Variants in CST7 observed in about 807,000 individuals in gnomAD.
The protein encoded by CST7 is cystatin-F.
In CST7, 15 loss-of-function variants were observed where a neutral mutation model predicts 13.1. The observed-to-expected ratio is 1.14, with a 90% CI of 0.77 to 1.76. The LOEUF is 1.76. Among genes scored for constraint, CST7 ranks in the 40% most tolerant of loss-of-function variants. CST7 has a pLI of 0.00. For missense variants in CST7, 193 were observed against 178.8 expected (o/e 1.08, Z -0.45); for synonymous variants, 75 against 66.9 (o/e 1.12, Z -0.59).
Position 24,957,411 on chromosome 20 carries a change from C to A in CST7, c.195C>A (p.Asn65Lys). The A allele has an allele frequency of 6.2e-7, 1 of 1,613,736 alleles. No homozygotes were observed. Among genetic ancestry groups the A allele is most frequent in the East Asian group, 2.2e-5 (1 of 44,874 alleles). The change falls in exon 2 of 4, where the codon AAC becomes AAA. Residue 65 changes from asparagine (N) to lysine (K), a missense_variant. Coordinates refer to ENST00000480798, the MANE Select transcript of CST7 (RefSeq NM_003650.4). ...YSVEKFNNCT[N>K]DMFLFKESRI... is the part of the protein sequence containing the mutation. ...TTGAAAAGTTCAACAACTGCACGAA[C>A]GACATGTTCTTGTTCAAGGAGTCCC...
At chr20:24,957,859 G>T (rs527337583) in intron 2 of CST7, among the ~76,000 whole-genome samples, 1 of 152,174 alleles carries the variant, frequency 6.6e-6, no homozygotes, top group Non-Finnish European at 1.5e-5. Flanking sequence ...GTGCCCTGCA[G>T]CCCAGAGGTG....
chr20:24,956,507 C>T (rs534390068), intron 1 of CST7, among the ~76,000 whole-genome samples: 3 of 152,320 alleles, frequency 2.0e-5, no homozygotes, highest in South Asian at 4.1e-4. Context: ...GCTTCCCCAT[C>T]TTTTATCCAA....
At chr20:24,953,921 C>A (rs909933235) in intron 1 of CST7, among the ~76,000 whole-genome samples, 1 of 152,210 alleles carries the variant, frequency 6.6e-6, no homozygotes, top group South Asian at 2.1e-4. Context: ...CTGCACCCAG[C>A]AGCAGCCTCC....
intron 1 of CST7, among the ~76,000 whole-genome samples, chr20:24,955,064 A>C (rs933826089): frequency 1.1e-4 from 17 of 151,780 alleles, no homozygotes; most frequent in South Asian, 6.2e-4. Flanking sequence ...ACAAAAAAAA[A>C]CGCTAATCTG....
chr20:24,953,539 A>G (rs1055448002), intron 1 of CST7, among the ~76,000 whole-genome samples: 1 of 152,048 alleles, frequency 6.6e-6, no homozygotes, highest in South Asian at 2.1e-4. Context: ...ACCTTAGGGG[A>G]CAGTTTCATT....
Position 24,959,685 on chromosome 20 carries a change from C to T in CST7, c.411C>T (p.Phe137=), listed in dbSNP as rs368920318. 4 of 1,614,094 alleles carry T rather than the reference C, an allele frequency of 2.5e-6. No homozygotes were observed. Among genetic ancestry groups the T allele is most frequent in the African/African-American group, 1.3e-5 (1 of 75,028 alleles). Residue 137 remains phenylalanine (F), a synonymous_variant, in exon 4 of 4, where the codon TTC becomes TTT. Transcript: ENST00000480798. ...GGGTCGTGCCCTGGCTCCAGCACTT[C>T]GAGGTGCCTGTTCTCCGTTGTCACT... The part of the protein sequence containing the change: ...EVWVVPWLQH[F]EVPVLRCH
At chr20:24,959,602 C>CTGG in intron 3 of CST7, 33 bp from the exon 4 acceptor site, 2 of 1,609,590 alleles carry the variant, frequency 1.2e-6, no homozygotes, top group Non-Finnish European at 8.5e-7. Context: ...CAGGGAAAGT[C>CTGG]TAAGCTCTCA....
chr20:24,952,368 G>T (rs1194188912), intron 1 of CST7, among the ~76,000 whole-genome samples: 2 of 152,172 alleles, frequency 1.3e-5, no homozygotes, highest in Admixed American at 6.5e-5. Context: ...TTAAGGTCGG[G>T]ACTGATCTGG....
chr20:24,958,960 G>A lies in CST7; in HGVS notation c.276G>A (p.Val92=), dbSNP rs544673784. 10 of 1,614,044 alleles carry A rather than the reference G, an allele frequency of 6.2e-6. No homozygotes were observed. In the African/African-American group the frequency reaches 6.7e-5, roughly 11 times the overall value. Residue 92 remains valine (V), a synonymous_variant, in exon 3 of 4, where the codon GTG becomes GTA. Coordinates refer to ENST00000480798, the MANE Select transcript of CST7 (RefSeq NM_003650.4). ...AAGGCCTGAAATATATGCTGGAGGT[G>A]GAAATTGGCAGAACTACCTGCAAGA... The part of the protein sequence containing the change: ...IVKGLKYMLE[V]EIGRTTCKKN...
rs771941085 is a variant in CST7, at chr20:24,949,438, C to G, written c.-68C>G. 2.5e-6 allele frequency: 4 copies of G among 1,612,912 alleles called. No homozygotes were observed. Among genetic ancestry groups the G allele is most frequent in the African/African-American group, 2.7e-5 (2 of 74,918 alleles). On this transcript the variant is annotated 5_prime_UTR_variant, in exon 1 of 4. Transcript: ENST00000480798. ...GCACCAACCACTGCCTCCAACTGCC[C>G]CATGCTGCCTGAGAAGGCACTGCAC...
In CST7 at chr20:24,959,649, C is replaced by T; in HGVS notation, c.375C>T (p.Tyr125=). 1.2e-6 allele frequency: 2 copies of T among 1,614,162 alleles called. No individual in the cohort carries two copies. The highest frequency in any genetic ancestry group is 1.1e-5 in the South Asian group (1 of 91,088). Residue 125 remains tyrosine, a synonymous_variant, in exon 4 of 4, where the codon TAC becomes TAT. Transcript: ENST00000480798. ...NHTLKQTLSC[Y]SEVWVVPWLQ... Reference sequence around the variant, plus strand: ...CTCTGTTTCAGACTCTGAGCTGCTACTCTGAAGTCTGGGTCGTGCCCTGGC... The same window carrying T: ...CTCTGTTTCAGACTCTGAGCTGCTATTCTGAAGTCTGGGTCGTGCCCTGGC...
chr20:24,959,243 A>T (rs574244071), intron 3 of CST7, among the ~76,000 whole-genome samples, 199 bp downstream of exon 3: 16 of 152,318 alleles, frequency 1.1e-4, no homozygotes, highest in African/African-American at 3.8e-4. Context: ...AGCTCCTCAG[A>T]TGACATCCTC....
intron 1 of CST7, among the ~76,000 whole-genome samples, chr20:24,951,680 C>T (rs948858124): frequency 4.6e-5 from 7 of 152,176 alleles, no homozygotes; most frequent in Non-Finnish European, 8.8e-5. Context: ...AAGGGTGGTG[C>T]CGTCTGAGCA....
Position 24,953,947 on chromosome 20 carries a change from A to T in CST7, c.71-3340A>T, listed in dbSNP as rs4815348. Among the ~76,000 whole-genome samples the T allele has an allele frequency of 6.7e-3, 1,018 of 151,708 alleles. 36 individuals are homozygous for T. The highest frequency in any genetic ancestry group is 0.058 in the Admixed American group (891 of 15,246). ...AGCAGCCTCCAGCGGGGTCTCCCCA[A>T]CTCTTCCCAGCACGTAGCTCCCTCC... On this transcript the variant is annotated intron_variant, in intron 1 of 3. Transcript: ENST00000480798.
At position 24,957,417 on chromosome 20, in the gene CST7, G is replaced by GT. The variant is rs746488888; in HGVS notation, c.203dup (p.Phe70ValfsTer40). 3 of 1,613,788 alleles carry GT rather than the reference G, an allele frequency of 1.9e-6. No individual in the cohort carries two copies. Among genetic ancestry groups the GT allele is most frequent in the East Asian group, 4.5e-5 (2 of 44,878 alleles). ...AGTTCAACAACTGCACGAACGACAT[G>GT]TTCTTGTTCAAGGAGTCCCGCATCA... On this transcript the variant is annotated frameshift_variant, in exon 2 of 4. Coordinates refer to ENST00000480798, the MANE Select transcript of CST7 (RefSeq NM_003650.4). LOFTEE classifies it high-confidence loss of function.
At chr20:24,958,705 A>G (rs1406668990) in intron 2 of CST7, among the ~76,000 whole-genome samples, 1 of 152,066 alleles carries the variant, frequency 6.6e-6, no homozygotes, top group African/African-American at 2.4e-5. Flanking sequence ...CAGAAAGGAG[A>G]CATCTGTCTC....
intron 1 of CST7, among the ~76,000 whole-genome samples, chr20:24,956,864 G>T (rs935793422): frequency 6.6e-6 from 1 of 151,576 alleles, no homozygotes; most frequent in African/African-American, 2.4e-5. Context: ...GACATGTTCC[G>T]CTTTTAACAC....
At chr20:24,956,488 C>T (rs531600121) in intron 1 of CST7, among the ~76,000 whole-genome samples, 2 of 152,288 alleles carry the variant, frequency 1.3e-5, no homozygotes, top group Admixed American at 1.3e-4. Flanking sequence ...GGGGGAGGCC[C>T]CCGATGCTGC....
chr20:24,953,207 A>AGCATTCTCTATGGGGTGGGG (rs2087831465), intron 1 of CST7, among the ~76,000 whole-genome samples: 1 of 152,036 alleles, frequency 6.6e-6, no homozygotes, highest in African/African-American at 2.4e-5. Flanking sequence ...ATGCTCAGAA[A>AGCATTCTCTATGGGGTGGGG]CACGGGGCTG....
Sources: allele counts gnomAD v4.1 joint callset (sites outside exome capture counted in the v4.1 genomes callset), GRCh38; gene constraint gnomAD v4.1.1; transcripts MANE v1.5; gene names NCBI Gene and HGNC (gene_info 2026-07-23, HGNC 2026-07-21).